RBMX: variants seen among roughly 807,000 people sequenced by gnomAD.
RBMX encodes the protein RNA binding motif protein X-linked, also known as RNA-binding motif protein, X chromosome.
In RBMX, 1 loss-of-function variant was observed where a neutral mutation model predicts 29.3. That is an observed-to-expected ratio of 0.03 (90% CI 0.01 to 0.16). The LOEUF is 0.16. Among genes scored for constraint, RBMX ranks in the 10% least tolerant of loss-of-function variants. The pLI is 1.00. For synonymous variants in RBMX, 102 were observed against 102.3 expected, an observed-to-expected ratio of 1.00 and a Z score of 0.02; for missense variants, 121 against 333.2, an observed-to-expected ratio of 0.36 and a Z score of 4.96.
chrX:136,879,854 C>T (rs1013303498), intron 1 of RBMX, among the ~76,000 whole-genome samples: 7 of 111,715 alleles, frequency 6.3e-5, no homozygotes, highest in Admixed American at 3.8e-4. Context: ...AGGACCTTAA[C>T]ACCAAGCCCT....
At chrX:136,871,131 A>C (rs1334262049), downstream of RBMX, among the ~76,000 whole-genome samples, 2 of 106,268 alleles carry the variant, frequency 1.9e-5, no homozygotes, top group Non-Finnish European at 3.9e-5. Flanking sequence ...AGAAAAAAAA[A>C]AAACCACGCA....
At chrX:136,876,335 G>A (rs1207369674) in intron 5 of RBMX, among the ~76,000 whole-genome samples, 168 bp downstream of exon 5, 6 of 109,395 alleles carry the variant, frequency 5.5e-5, no homozygotes, top group African/African-American at 2.0e-4. Context: ...CATTGGCCAG[G>A]ATGGTCTTGA....
Position 136,874,048 on chromosome X carries a change from T to C in RBMX, c.*94A>G, listed in dbSNP as rs1569439120. 3.6e-6 allele frequency: 4 copies of C among 1,118,485 alleles called. No homozygotes were observed. In the East Asian group the frequency reaches 1.2e-4, roughly 35 times the overall value. The allele number at this position is 1,118,485 out of a possible 1,213,427, so 92.2% of individuals were successfully genotyped here. A position where few individuals can be genotyped will look rare whatever the true frequency, so the allele number is the denominator to read the frequency against. ...GGGAATTTAAAAAAAGTAACACAAT[T>C]TTTCCTTTTAGTAGTCCTTGGGTAG... On this transcript the variant is annotated 3_prime_UTR_variant, in exon 9 of 9. Transcript: ENST00000320676.
downstream of RBMX, among the ~76,000 whole-genome samples, chrX:136,871,649 A>C (rs1282646140): frequency 9.3e-6 from 1 of 107,785 alleles, no homozygotes; most frequent in African/African-American, 3.4e-5. Flanking sequence ...GCACTGAGCA[A>C]ATTTTTTTTT....
chrX:136,879,152 T>C, intron 2 of RBMX, 29 bp from the exon 3 acceptor site: 1 of 1,209,422 alleles, frequency 8.3e-7, no homozygotes, highest in Admixed American at 2.2e-5. Context: ...AAAAATAAAG[T>C]GTTACCCTAG....
At chrX:136,870,978 G>A, downstream of RBMX, among the ~76,000 whole-genome samples, 1 of 107,610 alleles carries the variant, frequency 9.3e-6, no homozygotes, top group Non-Finnish European at 1.9e-5. Context: ...AACCGACATA[G>A]TGGCAGGCAC....
At chrX:136,870,021 TACTG>T (rs1356299781), downstream of RBMX, 3 of 112,530 alleles carry the variant, frequency 2.7e-5, no homozygotes, top group East Asian at 8.3e-4. Context: ...ATGTTTCACT[TACTG>T]ACAGACACTT....
chrX:136,869,675 T>C (rs1459562352), downstream of RBMX: 4 of 110,664 alleles, frequency 3.6e-5, no homozygotes, highest in Non-Finnish European at 5.7e-5. Context: ...GTATTATCCC[T>C]AGTTGCAAAT....
chrX:136,872,097 CAATG>C (rs754115780), downstream of RBMX, among the ~76,000 whole-genome samples: 4 of 112,034 alleles, frequency 3.6e-5, no homozygotes, highest in Non-Finnish European at 7.5e-5. Flanking sequence ...TCTAAATTCA[CAATG>C]AATGTGTCAG....
At chrX:136,878,233 C>CA (rs1213484928) in intron 3 of RBMX, 147 bp from the exon 4 acceptor site, 8 of 476,770 alleles carry the variant, frequency 1.7e-5, no homozygotes, top group Non-Finnish European at 2.6e-5. Flanking sequence ...CAAATATAGT[C>CA]AGTTTACATA....
Position 136,874,411 on chromosome X carries a change from A to T in RBMX, c.907T>A (p.Ser303Thr), listed in dbSNP as rs1301517509. ...SAPPTRGPPPSYGGSSRYDDY... is the reference protein window; with the variant it reads ...SAPPTRGPPPTYGGSSRYDDY... ...TCATAGCGACTGCTTCCACCATAAG[A>T]TGGCGGGGGCCCTCGTGTAGGTGGA... The change falls in exon 9 of 9, where the codon TCT (serine) becomes ACT (threonine). Residue 303 changes from serine (S) to threonine (T), a missense_variant. Around this residue, in one of 2 missense-constraint regions of RBMX, gnomAD observed 114 missense variants for 260.0 expected, o/e 0.44. Transcript: ENST00000320676. 1 of 1,211,904 alleles carries T rather than the reference A, an allele frequency of 8.3e-7. No individual in the cohort carries two copies. The highest frequency in any genetic ancestry group is 1.1e-6 in the Non-Finnish European group (1 of 895,589).
At position 136,877,340 on chromosome X, in the gene RBMX, CCA is replaced by C. The variant is rs1491135994; in HGVS notation, c.388+573_388+574del. On this transcript the variant is annotated intron_variant, in intron 4 of 8. Transcript: ENST00000320676. The stretch of plus-strand genomic sequence containing the variant: ...AGTGCTAAACTCTACCCCCCCCCCC[CCA>C]AAAAAAAACCATTATTGATTTGGGT... 1.3e-3 allele frequency among the ~76,000 whole-genome samples: 107 copies of C among 84,860 alleles called. 1 individual carries two copies. The highest frequency in any genetic ancestry group is 4.6e-3 in the African/African-American group (106 of 23,009). The allele number at this position is 84,860 out of a possible 115,157, so 73.7% of individuals were successfully genotyped here.
At chrX:136,874,978 A>C (rs138483835) in intron 8 of RBMX, 108 bp downstream of exon 8, 1 of 1,112,174 alleles carries the variant, frequency 9.0e-7, no homozygotes, top group East Asian at 3.2e-5. Context: ...CCCCTTTAAA[A>C]GCAAGCAAAC....
At chrX:136,873,403 C>A (rs1347166313), downstream of RBMX, 1 of 729,034 alleles carries the variant, frequency 1.4e-6, no homozygotes, top group East Asian at 1.5e-4. Context: ...AAAAGTGAGA[C>A]ACTACAGAGT....
At position 136,875,449 on chromosome X, in the gene RBMX, A is replaced by G. The variant is rs768075511; in HGVS notation, c.656+22T>C. The G allele has an allele frequency of 3.4e-5, 41 of 1,205,843 alleles. No individual in the cohort carries two copies. In the South Asian group the frequency reaches 7.2e-4, roughly 21 times the overall value. On this transcript the variant is annotated intron_variant, in intron 6 of 8. Transcript: ENST00000320676. ...TCCTTCAACCTTAATTATTAATTTA[A>G]AAAGCTGCACTTTTCTATTACCTGT... is the stretch of plus-strand genomic sequence containing the variant.
rs752896258 is a variant in RBMX, at chrX:136,874,205, T to A, written c.1113A>T (p.Ala371=). 4.9e-6 allele frequency: 6 copies of A among 1,212,357 alleles called. No individual in the cohort carries two copies. In the East Asian group the frequency reaches 1.8e-4, roughly 36 times the overall value. The change falls in exon 9 of 9, where the codon GCA becomes GCT. Residue 371 remains alanine, a synonymous_variant. Transcript: ENST00000320676. ...RDSYSSSSRG[A]PRGGGRGGSR... is the part of the protein sequence containing the mutation. ...TTCCTCCACGGCCACCACCTCTTGGTGCTCCGCGGCTTGAACTGCTGTAGG... is the reference window on the plus strand; with the variant it reads ...TTCCTCCACGGCCACCACCTCTTGGAGCTCCGCGGCTTGAACTGCTGTAGG...
chrX:136,878,977 A>G (rs2077769214), intron 3 of RBMX, 40 bp downstream of exon 3: 5 of 1,196,974 alleles, frequency 4.2e-6, no homozygotes, highest in Non-Finnish European at 4.5e-6. Context: ...TATTTTATGC[A>G]CTAGTAACAG....
chrX:136,873,886 G>GTTC lies in RBMX; in HGVS notation c.*255_*256insGAA, dbSNP rs1569439050. 2 of 962,200 alleles carry GTTC rather than the reference G, an allele frequency of 2.1e-6. No individual in the cohort carries two copies. The highest frequency in any genetic ancestry group is 2.6e-6 in the Non-Finnish European group (2 of 770,870). The allele number at this position is 962,200 out of a possible 1,213,427, so 79.3% of individuals were successfully genotyped here. A position where few individuals can be genotyped will look rare whatever the true frequency, so the allele number is the denominator to read the frequency against. Reference sequence around the variant, plus strand: ...GGCCTTTAGGGGATACTTTTACTTGGAAAGTTACAACACTAGTACAAGTCT... The same window carrying GTTC: ...GGCCTTTAGGGGATACTTTTACTTGGTTCAAAGTTACAACACTAGTACAAGTCT... On this transcript the variant is annotated 3_prime_UTR_variant, in exon 9 of 9. Transcript: ENST00000320676.
chrX:136,878,434 A>G (rs1047669639), intron 3 of RBMX, among the ~76,000 whole-genome samples: 8 of 110,609 alleles, frequency 7.2e-5, no homozygotes, highest in African/African-American at 2.6e-4. Flanking sequence ...TATGGATCTC[A>G]AGATAAAATG....
Sources: gnomAD v4.1 joint callset for allele counts (sites outside exome capture counted in the v4.1 genomes callset) on GRCh38, gnomAD v4.1.1 for gene constraint, gnomAD v4.1.1 regional missense constraint, MANE v1.5 for transcripts, NCBI Gene and HGNC (gene_info 2026-07-23, HGNC 2026-07-21) for gene names.